GPHN: variants seen among roughly 807,000 people sequenced by gnomAD.
GPHN encodes the protein gephyrin.
A neutral mutation model predicts 95.5 loss-of-function variants in GPHN; 17 were observed. The ratio of observed to expected loss-of-function variants is 0.18; its 90% CI spans 0.12 to 0.27. The LOEUF is 0.27. GPHN is among the 10% of genes least tolerant of loss of function. The pLI is 1.00. For synonymous variants in GPHN, 320 were observed against 322.5 expected (o/e 0.99, Z 0.08); for missense variants, 660 against 978.1 (o/e 0.67, Z 4.34).
chr14:67,383,283 T>A, the GPHN span: 1 of 1,608,290 alleles, frequency 6.2e-7, no homozygotes, highest in East Asian at 2.2e-5. Context: ...TATTTACTAC[T>A]TCAGTTTGAA....
the GPHN span, among the ~76,000 whole-genome samples, chr14:67,370,034 C>G: frequency 6.6e-6 from 1 of 152,310 alleles, no homozygotes; most frequent in East Asian, 1.9e-4. Context: ...TCTATAGATA[C>G]TAAATTAACT....
the GPHN span, among the ~76,000 whole-genome samples, chr14:67,304,747 A>G: frequency 2.0e-5 from 3 of 152,246 alleles, no homozygotes; most frequent in Admixed American, 1.3e-4. Flanking sequence ...TGAATAAACT[A>G]AAACCATCCA....
chr14:67,695,621 T>G, the GPHN span: 1 of 1,612,654 alleles, frequency 6.2e-7, no homozygotes, highest in Non-Finnish European at 8.5e-7. Context: ...GCAATACATT[T>G]GCACAGACCT....
the GPHN span, among the ~76,000 whole-genome samples, chr14:67,504,593 T>C: frequency 1.3e-5 from 2 of 151,874 alleles, no homozygotes; most frequent in African/African-American, 4.8e-5. Flanking sequence ...AAAAAATAAA[T>C]AAAAAACAAT....
At chr14:67,724,390 GA>G in the GPHN span, 1 of 822,702 alleles carries the variant, frequency 1.2e-6, no homozygotes, top group African/African-American at 3.2e-5. Flanking sequence ...AGGCTGGATA[GA>G]GTTTTTTTTT....
the GPHN span, among the ~76,000 whole-genome samples, chr14:67,594,434 G>A: frequency 2.0e-5 from 3 of 152,096 alleles, no homozygotes; most frequent in African/African-American, 4.8e-5. Flanking sequence ...GGATCACAAG[G>A]TCAAGAGATC....
chr14:67,733,644 T>C, the GPHN span: 1 of 767,736 alleles, frequency 1.3e-6, no homozygotes, highest in African/African-American at 1.7e-5. Context: ...CTGGCATATA[T>C]TGTATTTTAT....
At chr14:67,213,150 A>T in the GPHN span, among the ~76,000 whole-genome samples, 7 of 143,058 alleles carry the variant, frequency 4.9e-5, no homozygotes, top group Admixed American at 1.4e-4. Flanking sequence ...ATTTTTTTTT[A>T]AATGTATTTT....
At chr14:67,106,218 A>G (rs1370195176) in intron 13 of GPHN, among the ~76,000 whole-genome samples, 1 of 152,070 alleles carries the variant, frequency 6.6e-6, no homozygotes. Flanking sequence ...TGAAGATGTT[A>G]TCTCCTTTCT....
chr14:67,342,035 A>G, the GPHN span, among the ~76,000 whole-genome samples: 1 of 152,004 alleles, frequency 6.6e-6, no homozygotes, highest in African/African-American at 2.4e-5. Context: ...GTACCCACGG[A>G]CACAAACACT....
intron 16 of GPHN, among the ~76,000 whole-genome samples, chr14:67,120,081 G>A (rs1169495128): frequency 6.7e-6 from 1 of 149,788 alleles, no homozygotes; most frequent in Non-Finnish European, 1.5e-5. Flanking sequence ...AGCTGAGATT[G>A]CGCCACTGCA....
chr14:66,840,164 A>G (rs1274846400), intron 4 of GPHN, among the ~76,000 whole-genome samples: 1 of 152,084 alleles, frequency 6.6e-6, no homozygotes, highest in African/African-American at 2.4e-5. Flanking sequence ...CTGTAATCCC[A>G]TCTACTCGGG....
At chr14:66,613,581 T>A (rs1462935884) in intron 1 of GPHN, among the ~76,000 whole-genome samples, 3 of 152,166 alleles carry the variant, frequency 2.0e-5, no homozygotes, top group Non-Finnish European at 4.4e-5. Context: ...TACAAATTAT[T>A]GTGAAAGAGC....
chr14:67,304,996 G>A, the GPHN span, among the ~76,000 whole-genome samples: 3 of 152,072 alleles, frequency 2.0e-5, no homozygotes, highest in South Asian at 4.1e-4. Flanking sequence ...CAGAACATAC[G>A]GAAGTTGATA....
At chr14:67,161,161 G>A (rs1331889798) in intron 19 of GPHN, among the ~76,000 whole-genome samples, 2 of 152,104 alleles carry the variant, frequency 1.3e-5, no homozygotes, top group African/African-American at 2.4e-5. Context: ...GGCGTTGGTG[G>A]CTTGTGCCTC....
the GPHN span, among the ~76,000 whole-genome samples, chr14:67,411,312 C>T: frequency 6.6e-6 from 1 of 152,072 alleles, no homozygotes; most frequent in African/African-American, 2.4e-5. Context: ...GAGGGGAGGT[C>T]AGAACATGCA....
chr14:67,562,738 G>T, the GPHN span: 1 of 1,613,648 alleles, frequency 6.2e-7, no homozygotes, highest in African/African-American at 1.3e-5. Context: ...CCCGAGCTAG[G>T]TCCCGGGAGG....
chr14:66,748,217 A>G (rs2153446201), intron 2 of GPHN, among the ~76,000 whole-genome samples: 1 of 151,526 alleles, frequency 6.6e-6, no homozygotes, highest in South Asian at 2.1e-4. Flanking sequence ...CAAAAAAAAT[A>G]CTTTTACTAT....
At chr14:66,510,856 A>G (rs8005383) in intron 1 of GPHN, among the ~76,000 whole-genome samples, 47,576 of 152,008 alleles carry the variant, frequency 0.31, 11,387 homozygotes, top group African/African-American at 0.64. Flanking sequence ...TAACATTAAC[A>G]TTGACAGTGG....
Sources: gnomAD v4.1 joint callset for allele counts (sites outside exome capture counted in the v4.1 genomes callset) on GRCh38, gnomAD v4.1.1 for gene constraint, MANE v1.5 for transcripts, NCBI Gene and HGNC (gene_info 2026-07-23, HGNC 2026-07-21) for gene names.